GLT8D2: variants seen among roughly 807,000 people sequenced by gnomAD.
GLT8D2 encodes the protein glycosyltransferase 8 domain containing 2.
GLT8D2 carries 45 observed loss-of-function variants against 44.5 expected under a neutral mutation model. The observed-to-expected ratio is 1.01, with a 90% CI of 0.80 to 1.30. The LOEUF is 1.30. Among genes scored for constraint, GLT8D2 ranks in the 50% most tolerant of loss-of-function variants. GLT8D2 has a pLI of 0.00. For missense variants in GLT8D2, 400 were observed against 430.4 expected, an observed-to-expected ratio of 0.93 and a Z score of 0.62; for synonymous variants, 156 against 157.2, an observed-to-expected ratio of 0.99 and a Z score of 0.06.
rs578082707 is a variant in GLT8D2, at chr12:104,038,353, C to T, written c.-164+11542G>A. ...TCATTTAGGAAAAGAGGAAGTCAAA[C>T]TGTCCCTGTTTGCAGATGACATGAT... On this transcript the variant is annotated intron_variant, in intron 1 of 10. Coordinates refer to ENST00000360814, the MANE Select transcript of GLT8D2 (RefSeq NM_001384711.1). Among the ~76,000 whole-genome samples the T allele has an allele frequency of 1.4e-4, 21 of 152,178 alleles. 1 individual carries two copies. The highest frequency in any genetic ancestry group is 1.2e-3 in the East Asian group (6 of 5,192).
In GLT8D2 at chr12:103,989,288, G is replaced by A; in HGVS notation, c.*120C>T. On this transcript the variant is annotated 3_prime_UTR_variant, in exon 11 of 11. Coordinates refer to ENST00000360814, the MANE Select transcript of GLT8D2 (RefSeq NM_001384711.1). ...TATAATTTGCACACAGTAGTTTTTG[G>A]TTTTTATATTGTGGATCATATGTAT... The A allele has an allele frequency of 3.5e-6, 3 of 866,164 alleles. No individual in the cohort carries two copies. The highest frequency in any genetic ancestry group is 5.1e-6 in the Non-Finnish European group (3 of 583,806). The allele number at this position is 866,164 out of a possible 1,614,324, so 53.7% of individuals were successfully genotyped here. A position where few individuals can be genotyped will look rare whatever the true frequency, so the allele number is the denominator to read the frequency against.
chr12:104,029,231 A>G (rs1049736215), intron 1 of GLT8D2, among the ~76,000 whole-genome samples: 1 of 152,170 alleles, frequency 6.6e-6, no homozygotes, highest in African/African-American at 2.4e-5. Context: ...CTGAGGTTGC[A>G]GTGAGCCGAG....
chr12:104,042,388 C>T (rs1158531182), intron 1 of GLT8D2, among the ~76,000 whole-genome samples: 2 of 152,196 alleles, frequency 1.3e-5, no homozygotes, highest in Non-Finnish European at 2.9e-5. Context: ...TGAATCAATG[C>T]CATCAATACC....
chr12:103,989,407 A>T lies in GLT8D2; in HGVS notation c.*1T>A. 6.2e-7 allele frequency: 1 copy of T among 1,604,164 alleles called. No homozygotes were observed. Among genetic ancestry groups the T allele is most frequent in the Non-Finnish European group, 8.5e-7 (1 of 1,176,260 alleles). ...GGGAATATTTTAAGGGTAGAGTTAT[A>T]TCAGCTATGGTGATTGAGTTTAAAT... On this transcript the variant is annotated 3_prime_UTR_variant, in exon 11 of 11. Transcript: ENST00000360814.
chr12:104,059,146 T>C lies in GLT8D2; in HGVS notation c.-423+4803A>G, dbSNP rs1269298455. Among the ~76,000 whole-genome samples the C allele has an allele frequency of 2.6e-5, 4 of 152,248 alleles. No individual in the cohort carries two copies. The East Asian group carries it at 5.8e-4, about 22-fold the overall frequency. The stretch of plus-strand genomic sequence containing the variant: ...CATTGACTGTGGGTAAGTGAAACCA[T>C]GGCTAAAGAGGGATTCCTGTACATG... On this transcript the variant is annotated intron_variant, in intron 1 of 10. Coordinates refer to the GLT8D2 transcript ENST00000548660.
intron 4 of GLT8D2, among the ~76,000 whole-genome samples, 156 bp from the exon 5 acceptor site, chr12:104,003,462 G>C (rs971369716): frequency 2.6e-5 from 4 of 152,154 alleles, no homozygotes; most frequent in African/African-American, 9.7e-5. Flanking sequence ...CCTTAGAAAA[G>C]AACTTTGGAA....
At chr12:104,061,648 C>T (rs1369791305) in intron 1 of GLT8D2, among the ~76,000 whole-genome samples, 1 of 152,100 alleles carries the variant, frequency 6.6e-6, no homozygotes, top group Non-Finnish European at 1.5e-5. Context: ...CATCTTATTT[C>T]TCCCTCCCTT....
intron 8 of GLT8D2, among the ~76,000 whole-genome samples, chr12:103,995,346 C>G (rs1330682647): frequency 6.6e-6 from 1 of 152,212 alleles, no homozygotes; most frequent in Non-Finnish European, 1.5e-5. Context: ...TTATTCTCCT[C>G]TTGATCCCTC....
intron 8 of GLT8D2, among the ~76,000 whole-genome samples, chr12:103,995,393 C>T (rs577375200): frequency 2.0e-4 from 31 of 152,330 alleles, no homozygotes; most frequent in South Asian, 1.4e-3. Flanking sequence ...CAGACTCACC[C>T]CTGCCTCAAG....
At chr12:104,003,893 A>C (rs1874591278) in intron 4 of GLT8D2, among the ~76,000 whole-genome samples, 1 of 152,216 alleles carries the variant, frequency 6.6e-6, no homozygotes, top group Non-Finnish European at 1.5e-5. Flanking sequence ...GCAGGATGAT[A>C]GATTAGAAGA....
chr12:104,063,249 A>C (rs1882838545), intron 1 of GLT8D2, among the ~76,000 whole-genome samples: 1 of 152,098 alleles, frequency 6.6e-6, no homozygotes. Context: ...AGTTACCACC[A>C]ACCCTTTTTG....
At chr12:104,018,488 A>C (rs1877178988) in intron 3 of GLT8D2, among the ~76,000 whole-genome samples, 1 of 152,182 alleles carries the variant, frequency 6.6e-6, no homozygotes, top group East Asian at 1.9e-4. Flanking sequence ...ACAATCAGAT[A>C]CTAGACTCCA....
intron 1 of GLT8D2, among the ~76,000 whole-genome samples, chr12:104,030,166 A>G (rs1319122105): frequency 6.6e-6 from 1 of 152,212 alleles, no homozygotes; most frequent in Non-Finnish European, 1.5e-5. Flanking sequence ...AACATAGACC[A>G]ATGGGACAGA....
chr12:103,995,153 G>C (rs1042049388), intron 8 of GLT8D2, among the ~76,000 whole-genome samples: 2 of 152,140 alleles, frequency 1.3e-5, no homozygotes, highest in South Asian at 4.1e-4. Context: ...ATGGATTTCT[G>C]CAAGTTCCTC....
chr12:104,007,596 G>A (rs1455393985), intron 4 of GLT8D2, among the ~76,000 whole-genome samples: 1 of 152,142 alleles, frequency 6.6e-6, no homozygotes, highest in Non-Finnish European at 1.5e-5. Context: ...ATTCTCTCTA[G>A]TATTTGATCA....
rs765688807 is a variant in GLT8D2 at position 104,015,147 on chromosome 12, C to A, written c.20-42G>T. The A allele has an allele frequency of 2.7e-6, 4 of 1,477,876 alleles. No individual in the cohort carries two copies. In the East Asian group the frequency reaches 9.1e-5, roughly 34 times the overall value. The allele number at this position is 1,477,876 out of a possible 1,614,324, so 91.5% of individuals were successfully genotyped here. A position where few individuals can be genotyped will look rare whatever the true frequency, so the allele number is the denominator to read the frequency against. ...AACACATTAACATTGAACCTATGAA[C>A]CTGAAATCACGTGACAAAGTTTAGA... On this transcript the variant is annotated intron_variant, in intron 3 of 10. Transcript: ENST00000360814.
At chr12:104,054,886 A>G (rs1882045157), upstream of GLT8D2, among the ~76,000 whole-genome samples, 1 of 152,182 alleles carries the variant, frequency 6.6e-6, no homozygotes, top group Non-Finnish European at 1.5e-5. Context: ...CACAGTGACT[A>G]TAGAGTTGAA....
At chr12:104,014,251 G>T (rs1593542294) in intron 4 of GLT8D2, 2 of 698,560 alleles carry the variant, frequency 2.9e-6, no homozygotes, top group East Asian at 2.7e-5. Context: ...ACTTCCTGGG[G>T]TGCTGAGGCC....
At chr12:104,064,407 C>T (rs1882970188), upstream of GLT8D2, 4 of 640,056 alleles carry the variant, frequency 6.2e-6, no homozygotes, top group Non-Finnish European at 4.7e-6. The surrounding 1 kb of genome is among the most constrained non-coding windows in gnomAD (Gnocchi z 7.3). Flanking sequence ...CCTTCCCCAG[C>T]GTCTCTCCAC....
Sources: allele counts gnomAD v4.1 joint callset (sites outside exome capture counted in the v4.1 genomes callset), GRCh38; gene constraint gnomAD v4.1.1; non-coding constraint Gnocchi (gnomAD v3.1); transcripts MANE v1.5; gene names NCBI Gene and HGNC (gene_info 2026-07-23, HGNC 2026-07-21).